HTR7: variants seen among roughly 807,000 people sequenced by gnomAD.
HTR7 encodes 5-HT-7.
In HTR7, 16 loss-of-function variants were observed where a neutral mutation model predicts 34.0. The observed-to-expected ratio is 0.47, with a 90% confidence interval of 0.32 to 0.71. HTR7 has a LOEUF of 0.71. HTR7 is among the 30% of genes least tolerant of loss of function. The probability of loss-of-function intolerance (pLI) is 0.04; values close to 1 mark genes in which losing one functional copy is unlikely to be tolerated. For missense variants in HTR7, 504 were observed against 625.5 expected (o/e 0.81, Z 2.07); for synonymous variants, 265 against 260.2 (o/e 1.02, Z -0.18).
intron 1 of HTR7, among the ~76,000 whole-genome samples, chr10:90,813,035 C>T (rs1239424965): frequency 1.3e-5 from 2 of 152,094 alleles, no homozygotes; most frequent in Admixed American, 6.5e-5. Flanking sequence ...GGCTCAAAAA[C>T]CTCCCCCACT....
chr10:90,841,184 C>G (rs1027386124), intron 1 of HTR7, among the ~76,000 whole-genome samples: 1 of 152,176 alleles, frequency 6.6e-6, no homozygotes, highest in African/African-American at 2.4e-5. Context: ...AATAAAAGTG[C>G]CTTCAATAGG....
At chr10:90,829,989 T>G (rs1299645588) in intron 1 of HTR7, among the ~76,000 whole-genome samples, 1 of 152,240 alleles carries the variant, frequency 6.6e-6, no homozygotes, top group Non-Finnish European at 1.5e-5. Flanking sequence ...ATCAATATTG[T>G]TAAAATGTCC....
chr10:90,749,462 AT>A lies in HTR7; in HGVS notation c.671del (p.Asn224MetfsTer2). 1 of 1,614,176 alleles carries A rather than the reference AT, an allele frequency of 6.2e-7. No homozygotes were observed. Among genetic ancestry groups the A allele is most frequent in the Non-Finnish European group, 8.5e-7 (1 of 1,180,022 alleles). On this transcript the variant is annotated frameshift_variant, in exon 2 of 4. Transcript: ENST00000336152. LOFTEE classifies it high-confidence loss of function. This position sits in a 1 kb window ranked among gnomAD's most constrained non-coding sequence, Gnocchi z 4.2. ...TLPPLFGWAQ[N>X]VNDDKVCLIS... ...TCAAGCACACCTTATCATCATTTACATTCTGAGCCCATCCAAAGAGTGGAGG... is the reference window on the plus strand; with the variant it reads ...TCAAGCACACCTTATCATCATTTACATCTGAGCCCATCCAAAGAGTGGAGG...
chr10:90,824,862 C>T (rs895422343), intron 1 of HTR7, among the ~76,000 whole-genome samples: 2 of 152,214 alleles, frequency 1.3e-5, no homozygotes, highest in African/African-American at 4.8e-5. Flanking sequence ...TTTCTGACTT[C>T]AGGTCCTGGC....
At chr10:90,854,526 A>C (rs1846550220) in intron 1 of HTR7, among the ~76,000 whole-genome samples, 1 of 151,106 alleles carries the variant, frequency 6.6e-6, no homozygotes, top group Non-Finnish European at 1.5e-5. Flanking sequence ...AACTGGAAAG[A>C]AGTAAAAAGA....
chr10:90,766,173 G>C (rs12256352), intron 1 of HTR7, among the ~76,000 whole-genome samples: 18,654 of 152,098 alleles, frequency 0.12, 1,588 homozygotes, highest in African/African-American at 0.24. Flanking sequence ...TATTCTATTA[G>C]TATTTGCTTT....
At chr10:90,792,643 T>C (rs1027145126) in intron 1 of HTR7, among the ~76,000 whole-genome samples, 1 of 152,030 alleles carries the variant, frequency 6.6e-6, no homozygotes, top group African/African-American at 2.4e-5. Context: ...TACAATGGGG[T>C]TACATGTGGA....
intron 1 of HTR7, among the ~76,000 whole-genome samples, chr10:90,819,164 A>C (rs1203389149): frequency 6.6e-6 from 1 of 152,180 alleles, no homozygotes; most frequent in African/African-American, 2.4e-5. Context: ...ACCCAAAATG[A>C]AGTAAGAGAT....
At chr10:90,825,840 A>C (rs75085478) in intron 1 of HTR7, among the ~76,000 whole-genome samples, 11,621 of 152,278 alleles carry the variant, frequency 0.076, 479 homozygotes, top group Non-Finnish European at 0.095. Flanking sequence ...AATTTAAAAA[A>C]TGAAGCACAC....
At chr10:90,856,812 C>T (rs945327615) in intron 1 of HTR7, among the ~76,000 whole-genome samples, 14 of 152,154 alleles carry the variant, frequency 9.2e-5, no homozygotes, top group African/African-American at 3.4e-4. Context: ...TCAGGGAGCA[C>T]CAAATCCCTT....
intron 1 of HTR7, among the ~76,000 whole-genome samples, chr10:90,807,623 CT>C (rs532793272): frequency 5.1e-4 from 78 of 152,306 alleles, no homozygotes; most frequent in South Asian, 8.3e-4. Context: ...GGCCCCACCC[CT>C]ATCTCCCTTT....
intron 1 of HTR7, among the ~76,000 whole-genome samples, chr10:90,751,488 C>A (rs533160827): frequency 1.3e-5 from 2 of 152,204 alleles, no homozygotes; most frequent in South Asian, 4.2e-4. Flanking sequence ...GCTCTCAAGC[C>A]TCAATGTGGC....
rs187260393 is a variant in HTR7 at position 90,760,742 on chromosome 10, G to A, written c.540-11148C>T. On this transcript the variant is annotated intron_variant, in intron 1 of 3. Transcript: ENST00000336152. ...TAAAAATACAGGAGATTAGCCAGGC[G>A]TGGTGGTGGGCATCTGTAATCCCAG... Among the ~76,000 whole-genome samples, 156 of 152,200 alleles carry A rather than the reference G, an allele frequency of 1.0e-3. 1 individual carries two copies. Among genetic ancestry groups the A allele is most frequent in the African/African-American group, 3.4e-3 (143 of 41,540 alleles).
intron 2 of HTR7, among the ~76,000 whole-genome samples, chr10:90,744,110 T>A (rs1844598175): frequency 6.6e-6 from 1 of 151,370 alleles, no homozygotes; most frequent in African/African-American, 2.4e-5. Context: ...AGAAGCTAGA[T>A]GGGAGGAAAA....
chr10:90,851,373 A>G (rs544582469), intron 1 of HTR7, among the ~76,000 whole-genome samples: 80 of 152,220 alleles, frequency 5.3e-4, no homozygotes, highest in Non-Finnish European at 7.9e-4. Context: ...TTGGGAGGCC[A>G]AGGCGGGCGG....
chr10:90,792,803 C>G (rs1177998593), intron 1 of HTR7, among the ~76,000 whole-genome samples: 1 of 152,004 alleles, frequency 6.6e-6, no homozygotes, highest in Non-Finnish European at 1.5e-5. Context: ...GGAGAAAGAA[C>G]AGTATTTCAA....
chr10:90,811,741 T>C (rs2119968983), intron 1 of HTR7, among the ~76,000 whole-genome samples: 1 of 152,206 alleles, frequency 6.6e-6, no homozygotes. Flanking sequence ...TTAGCTTTAC[T>C]CAACATGCCC....
At chr10:90,743,843 A>T in intron 2 of HTR7, 153 bp from the exon 3 acceptor site, 1 of 742,892 alleles carries the variant, frequency 1.3e-6, no homozygotes, top group South Asian at 1.5e-5. Flanking sequence ...GCAGTAAATT[A>T]AAATTACCAG....
intron 1 of HTR7, among the ~76,000 whole-genome samples, chr10:90,831,616 T>A (rs1226139223): frequency 1.3e-5 from 2 of 152,224 alleles, no homozygotes; most frequent in Non-Finnish European, 2.9e-5. Context: ...TATTCTCTTA[T>A]CTGGCTCCAC....
Sources: allele counts gnomAD v4.1 joint callset (sites outside exome capture counted in the v4.1 genomes callset), GRCh38; gene constraint gnomAD v4.1.1; non-coding constraint Gnocchi (gnomAD v3.1); transcripts MANE v1.5; gene names NCBI Gene and HGNC (gene_info 2026-07-23, HGNC 2026-07-21).